SUZ12: variants seen among roughly 807,000 people sequenced by gnomAD.
The protein encoded by SUZ12 is polycomb protein SUZ12.
A neutral mutation model predicts 87.3 loss-of-function variants in SUZ12; 17 were observed. The observed-to-expected ratio is 0.19, with a 90% CI of 0.13 to 0.29. The LOEUF (loss-of-function observed/expected upper bound fraction) is 0.29, where lower values mean the gene tolerates loss of function less well. Among genes scored for constraint, SUZ12 ranks in the 10% least tolerant of loss-of-function variants. SUZ12 has a pLI of 1.00. For missense variants in SUZ12, 526 were observed against 912.2 expected, an observed-to-expected ratio of 0.58 and a Z score of 5.45; for synonymous variants, 253 against 312.4, an observed-to-expected ratio of 0.81 and a Z score of 2.01.
intron 4 of SUZ12, among the ~76,000 whole-genome samples, chr17:31,958,056 TCA>T (rs1324510544): frequency 2.0e-5 from 3 of 151,562 alleles, no homozygotes; most frequent in Admixed American, 2.0e-4. Flanking sequence ...GCGCCTGCCA[TCA>T]CGCCCGGCTA....
At chr17:31,939,533 T>TTC (rs1453812292) in intron 1 of SUZ12, among the ~76,000 whole-genome samples, 4 of 152,136 alleles carry the variant, frequency 2.6e-5, no homozygotes, top group African/African-American at 9.7e-5. Flanking sequence ...ATTTTTTTTT[T>TTC]TTTTTTGAGA....
chr17:31,974,308 GC>G (rs1908611704), intron 6 of SUZ12, among the ~76,000 whole-genome samples: 1 of 152,210 alleles, frequency 6.6e-6, no homozygotes, highest in Non-Finnish European at 1.5e-5. Context: ...GCCAAGGTGG[GC>G]AGATCACGAG....
rs1910178949 is a variant in SUZ12 at position 32,000,022 on chromosome 17, C to G, written c.*1019C>G. The G allele has an allele frequency of 4.3e-6, 1 of 232,670 alleles. No homozygotes were observed. The highest frequency in any genetic ancestry group is 8.5e-6 in the Non-Finnish European group (1 of 117,808). 14.4% of individuals were successfully genotyped at this position (232,670 alleles called of 1,614,324 possible). On this transcript the variant is annotated 3_prime_UTR_variant, in exon 16 of 16. Transcript: ENST00000322652. ...ATAAGCTGACTTGAATCATTTTGAG[C>G]AATTTTGCCCTGTGTTATATGTGTT...
intron 10 of SUZ12, 25 bp downstream of exon 10, chr17:31,988,522 A>C: frequency 6.4e-7 from 1 of 1,574,148 alleles, no homozygotes; most frequent in Non-Finnish European, 8.6e-7. Context: ...CAATCAAAAT[A>C]ATAAAATAAT....
intron 10 of SUZ12, among the ~76,000 whole-genome samples, chr17:31,988,726 G>C (rs1157526649): frequency 1.3e-5 from 2 of 151,574 alleles, no homozygotes; most frequent in Non-Finnish European, 2.9e-5. Context: ...CCGAGTAGCT[G>C]TGACTACAGG....
rs1298450451 is a variant in SUZ12 at position 31,988,402 on chromosome 17, C to A, written c.1106C>A (p.Ser369Tyr). The change falls in exon 10 of 16, where the codon TCT (serine) becomes TAT (tyrosine). Residue 369 changes from serine (S) to tyrosine (Y), a missense_variant. By Grantham distance (144) the Ser-to-Tyr change is moderately radical. Coordinates refer to ENST00000322652, the MANE Select transcript of SUZ12 (RefSeq NM_015355.4). ...LRWTGETNDKSTAPIAKPLAT... is the reference protein window; with the variant it reads ...LRWTGETNDKYTAPIAKPLAT... The stretch of plus-strand genomic sequence containing the variant: ...TGGACAGGAGAGACCAATGATAAAT[C>A]TACGGCTCCTATTGCCAAACCTCTT... 1 of 1,613,900 alleles carries A rather than the reference C, an allele frequency of 6.2e-7. No individual in the cohort carries two copies. The highest frequency in any genetic ancestry group is 8.5e-7 in the Non-Finnish European group (1 of 1,179,958).
At chr17:31,984,442 T>A (rs1909293096) in intron 9 of SUZ12, among the ~76,000 whole-genome samples, 1 of 152,238 alleles carries the variant, frequency 6.6e-6, no homozygotes, top group Non-Finnish European at 1.5e-5. Context: ...GTTAATATAC[T>A]GCAGTGAGGA....
At chr17:31,964,314 C>A (rs546747976) in intron 4 of SUZ12, among the ~76,000 whole-genome samples, 1 of 150,726 alleles carries the variant, frequency 6.6e-6, no homozygotes, top group Non-Finnish European at 1.5e-5. Flanking sequence ...TGTGAGCCAC[C>A]GCACCCAGCC....
At chr17:31,967,978 A>C (rs1254464125) in intron 5 of SUZ12, among the ~76,000 whole-genome samples, 1 of 152,188 alleles carries the variant, frequency 6.6e-6, no homozygotes, top group Non-Finnish European at 1.5e-5. Context: ...CATAGGGAGA[A>C]CCTGTCTGTA....
intron 9 of SUZ12, among the ~76,000 whole-genome samples, 170 bp downstream of exon 9, chr17:31,983,274 C>CTTTTTTTTT (rs10681815): frequency 6.8e-5 from 8 of 118,200 alleles, no homozygotes; most frequent in African/African-American, 2.7e-4. Flanking sequence ...AGGTATCATT[C>CTTTTTTTTT]TTTTTTTTTT....
intron 4 of SUZ12, among the ~76,000 whole-genome samples, chr17:31,952,008 C>A (rs1907014052): frequency 1.3e-5 from 2 of 152,172 alleles, no homozygotes; most frequent in Admixed American, 6.6e-5. Context: ...CTCCTGACCT[C>A]AAGTGATCCT....
chr17:31,988,321 G>A lies in SUZ12; in HGVS notation c.1025G>A (p.Arg342Lys). The change falls in exon 10 of 16, where the codon AGG (arginine) becomes AAG (lysine). Residue 342 changes from arginine (R) to lysine (K), a missense_variant and splice_region_variant. Arg to Lys is a conservative substitution (Grantham distance 26, BLOSUM62 2). This residue lies in a region of SUZ12 where 10 missense variants were observed against 50.9 expected (regional missense o/e 0.20). Transcript: ENST00000322652. ...ATWETILDGK[R>K]LPPFETFSQG... ...CTTTGCATGTTTTTTATTTTTTAGA[G>A]GCTGCCTCCATTCGAAACATTTTCT... 1 of 1,545,324 alleles carries A rather than the reference G, an allele frequency of 6.5e-7. No homozygotes were observed. Among genetic ancestry groups the A allele is most frequent in the Non-Finnish European group, 8.7e-7 (1 of 1,150,748 alleles).
At chr17:31,985,811 C>T (rs1229205414) in intron 9 of SUZ12, among the ~76,000 whole-genome samples, 2 of 152,004 alleles carry the variant, frequency 1.3e-5, no homozygotes, top group Non-Finnish European at 2.9e-5. Flanking sequence ...CACAGGTGTG[C>T]ACCACCATGC....
At chr17:31,946,045 A>G (rs1906616566) in intron 3 of SUZ12, among the ~76,000 whole-genome samples, 1 of 152,158 alleles carries the variant, frequency 6.6e-6, no homozygotes, top group Non-Finnish European at 1.5e-5. Flanking sequence ...ATTGGATGAA[A>G]CTTTAATATT....
At chr17:31,988,859 A>G (rs561147005) in intron 10 of SUZ12, among the ~76,000 whole-genome samples, 11 of 151,962 alleles carry the variant, frequency 7.2e-5, no homozygotes, top group Non-Finnish European at 1.5e-4. Flanking sequence ...TCACAAGGTC[A>G]GGAGATGGAG....
chr17:31,963,069 G>A (rs111295529), intron 4 of SUZ12, among the ~76,000 whole-genome samples: 25,431 of 148,334 alleles, frequency 0.17, no homozygotes, highest in African/African-American at 0.31. Context: ...GTAGAAATCT[G>A]ATTCATGTAA....
At chr17:31,946,589 T>G (rs1418986939) in intron 3 of SUZ12, among the ~76,000 whole-genome samples, 2 of 152,220 alleles carry the variant, frequency 1.3e-5, no homozygotes, top group Non-Finnish European at 2.9e-5. Context: ...GGAATGAGAT[T>G]ATTCGTAATT....
chr17:31,984,534 A>G (rs1385261620), intron 9 of SUZ12, among the ~76,000 whole-genome samples: 2 of 152,264 alleles, frequency 1.3e-5, no homozygotes, highest in Non-Finnish European at 1.5e-5. Flanking sequence ...TTATACTGCA[A>G]AATATCTAAA....
chr17:31,946,087 G>A (rs1222543671), intron 3 of SUZ12, among the ~76,000 whole-genome samples: 4 of 152,278 alleles, frequency 2.6e-5, no homozygotes, highest in Non-Finnish European at 5.9e-5. Flanking sequence ...GGTAAAGAGA[G>A]AAGCTTTTTT....
Sources: allele counts gnomAD v4.1 joint callset (sites outside exome capture counted in the v4.1 genomes callset), GRCh38; gene constraint gnomAD v4.1.1; regional missense constraint gnomAD v4.1.1; transcripts MANE v1.5; gene names NCBI Gene and HGNC (gene_info 2026-07-23, HGNC 2026-07-21).